CAMTA1: variants seen among roughly 807,000 people sequenced by gnomAD.
The protein encoded by CAMTA1 is calmodulin-binding transcription activator 1.
CAMTA1 carries 27 observed loss-of-function variants against 170.9 expected under a neutral mutation model. The observed-to-expected ratio is 0.16, with a 90% CI of 0.12 to 0.22. The LOEUF (loss-of-function observed/expected upper bound fraction) is 0.22. Ranked by LOEUF, CAMTA1 falls within the 10% of genes least tolerant of loss-of-function variation. CAMTA1 has a pLI of 1.00. For missense variants in CAMTA1, 1,619 were observed against 2,217.2 expected (o/e 0.73, Z 5.42); for synonymous variants, 833 against 891.5 (o/e 0.93, Z 1.17).
chr1:7,666,921 T>G (rs534978918), intron 9 of CAMTA1, among the ~76,000 whole-genome samples: 21 of 150,498 alleles, frequency 1.4e-4, no homozygotes, highest in African/African-American at 5.1e-4. Flanking sequence ...GGAATTTCAC[T>G]CTTTTTGCCC....
intron 6 of CAMTA1, among the ~76,000 whole-genome samples, chr1:7,520,352 TG>T (rs2094348586): frequency 7.0e-6 from 1 of 143,786 alleles, no homozygotes; most frequent in Non-Finnish European, 1.5e-5. Flanking sequence ...CACCACAACT[TG>T]GGGCTGAGAG....
chr1:7,341,920 C>G (rs572372605), intron 5 of CAMTA1, among the ~76,000 whole-genome samples: 75 of 152,312 alleles, frequency 4.9e-4, no homozygotes, highest in East Asian at 9.7e-4. Context: ...GCCCATCATG[C>G]TGGAGGGCAG....
At chr1:7,564,853 A>G (rs2095017967) in intron 6 of CAMTA1, among the ~76,000 whole-genome samples, 1 of 151,928 alleles carries the variant, frequency 6.6e-6, no homozygotes, top group Non-Finnish European at 1.5e-5. Flanking sequence ...GTTGAGAGGG[A>G]TGAGAACAAA....
At chr1:7,103,408 C>A (rs954159624) in intron 4 of CAMTA1, among the ~76,000 whole-genome samples, 22 of 107,370 alleles carry the variant, frequency 2.0e-4, no homozygotes, top group Admixed American at 1.5e-3. Flanking sequence ...TACACACGCA[C>A]ACACACAGCA....
intron 3 of CAMTA1, among the ~76,000 whole-genome samples, chr1:7,046,144 ATAT>A (rs1409197175): frequency 1.3e-5 from 2 of 152,236 alleles, no homozygotes; most frequent in Admixed American, 1.3e-4. Flanking sequence ...CTGCCTCTGC[ATAT>A]TAATAGCAAT....
At chr1:6,946,045 C>A (rs1687519516) in intron 3 of CAMTA1, among the ~76,000 whole-genome samples, 1 of 152,200 alleles carries the variant, frequency 6.6e-6, no homozygotes, top group African/African-American at 2.4e-5. Flanking sequence ...TGCTCGGTCA[C>A]ATGGCAACTC....
At chr1:7,522,695 T>A (rs569858443) in intron 6 of CAMTA1, among the ~76,000 whole-genome samples, 1 of 152,222 alleles carries the variant, frequency 6.6e-6, no homozygotes, top group Admixed American at 6.5e-5. Context: ...TTCTGGGGTT[T>A]GGTTTTTTGT....
chr1:7,607,390 G>T (rs2095494502), intron 6 of CAMTA1, among the ~76,000 whole-genome samples: 1 of 149,068 alleles, frequency 6.7e-6, no homozygotes, highest in Non-Finnish European at 1.5e-5. Context: ...TGGGTGAATA[G>T]GTGGACTGGT....
intron 6 of CAMTA1, among the ~76,000 whole-genome samples, chr1:7,489,762 A>G (rs188223608): frequency 1.0e-3 from 153 of 152,304 alleles, no homozygotes; most frequent in African/African-American, 3.5e-3. Flanking sequence ...TTTCCTGTCC[A>G]GCCCTCCACA....
At position 7,337,394 on chromosome 1, in the gene CAMTA1, T is replaced by A. The variant is rs115992411; in HGVS notation, c.438+87768T>A. On this transcript the variant is annotated intron_variant, in intron 5 of 22. Transcript: ENST00000303635. ...GATGTCGGTCAAACACCAGTCCCGA[T>A]GTCTCTGTGAAGGTATTTTGTAAAT... Among the ~76,000 whole-genome samples the A allele has an allele frequency of 7.1e-3, 1,084 of 152,364 alleles. 15 individuals are homozygous for A. Among genetic ancestry groups the A allele is most frequent in the African/African-American group, 0.025 (1,022 of 41,582 alleles).
intron 6 of CAMTA1, among the ~76,000 whole-genome samples, chr1:7,587,568 G>C (rs908159474): frequency 1.3e-5 from 2 of 152,148 alleles, no homozygotes; most frequent in East Asian, 1.9e-4. Flanking sequence ...GTAATACCTC[G>C]CAGCTTCCCC....
At chr1:6,792,482 T>A (rs1218816822) in intron 1 of CAMTA1, among the ~76,000 whole-genome samples, 1 of 152,070 alleles carries the variant, frequency 6.6e-6, no homozygotes, top group Non-Finnish European at 1.5e-5. Flanking sequence ...AGCATTTTTT[T>A]TTTTACCTCA....
At position 7,585,009 on chromosome 1, in the gene CAMTA1, G is replaced by A. The variant is rs2095297250; in HGVS notation, c.511-55391G>A. Among the ~76,000 whole-genome samples, 2 of 152,162 alleles carry A rather than the reference G, an allele frequency of 1.3e-5. No individual in the cohort carries two copies. The highest frequency in any genetic ancestry group is 2.4e-5 in the African/African-American group (1 of 41,434). On this transcript the variant is annotated intron_variant, in intron 6 of 22. Coordinates refer to ENST00000303635, the MANE Select transcript of CAMTA1 (RefSeq NM_015215.4). The surrounding 1 kb of genome is among the most constrained non-coding windows in gnomAD (Gnocchi z 4.8). ...GTACATAGACCATATATTATGTAAT[G>A]TCCCCGGCGGGATGTGGAGTAGCAC...
At chr1:6,821,610 G>C (rs1646494637) in intron 2 of CAMTA1, among the ~76,000 whole-genome samples, 1 of 152,056 alleles carries the variant, frequency 6.6e-6, no homozygotes, top group Non-Finnish European at 1.5e-5. Context: ...TAATCAACTT[G>C]AATGAATAAC....
Position 7,063,270 on chromosome 1 carries a change from A to G in CAMTA1, c.235-28034A>G, listed in dbSNP as rs1708516572. On this transcript the variant is annotated intron_variant, in intron 3 of 22. Coordinates refer to ENST00000303635, the MANE Select transcript of CAMTA1 (RefSeq NM_015215.4). This position sits in a 1 kb window ranked among gnomAD's most constrained non-coding sequence, Gnocchi z 4.3. ...AGGTCAAATCCGGCCTAGAATTCCT[A>G]GTGGAAAGACAGGGACGACTCTTCC... 6.6e-6 allele frequency among the ~76,000 whole-genome samples: 1 copy of G among 152,092 alleles called. No individual in the cohort carries two copies. The highest frequency in any genetic ancestry group is 2.1e-4 in the South Asian group (1 of 4,816).
chr1:7,020,550 A>C (rs571775038), intron 3 of CAMTA1, among the ~76,000 whole-genome samples: 5 of 152,370 alleles, frequency 3.3e-5, no homozygotes, highest in African/African-American at 1.2e-4. Context: ...TATGGGACGC[A>C]GGACTGTATA....
At chr1:7,466,170 G>T (rs1391970252) in intron 5 of CAMTA1, among the ~76,000 whole-genome samples, 1 of 152,160 alleles carries the variant, frequency 6.6e-6, no homozygotes, top group Non-Finnish European at 1.5e-5. Flanking sequence ...CTAGACATGC[G>T]TCTCCTTCGG....
intron 3 of CAMTA1, among the ~76,000 whole-genome samples, chr1:7,046,465 T>C (rs916472014): frequency 6.6e-5 from 10 of 152,168 alleles, no homozygotes; most frequent in African/African-American, 2.2e-4. Context: ...GTGGCTGAAA[T>C]TGGCAGGGCT....
intron 6 of CAMTA1, among the ~76,000 whole-genome samples, chr1:7,498,271 TGTGA>T (rs1239965432): frequency 2.0e-5 from 3 of 146,854 alleles, no homozygotes; most frequent in African/African-American, 5.1e-5. Flanking sequence ...AGAGAGCGTG[TGTGA>T]GTGTGAGCGT....
Sources: allele counts gnomAD v4.1 joint callset (sites outside exome capture counted in the v4.1 genomes callset), GRCh38; gene constraint gnomAD v4.1.1; non-coding constraint Gnocchi (gnomAD v3.1); transcripts MANE v1.5; gene names NCBI Gene and HGNC (gene_info 2026-07-23, HGNC 2026-07-21).